The following PLAGL1 variants were observed in gnomAD, a reference collection of about 807,000 sequenced individuals.
PLAGL1 encodes the protein PLAG1 like zinc finger 1.
PLAGL1 carries 1 observed loss-of-function variant against 4.6 expected under a neutral mutation model. The ratio of observed to expected loss-of-function variants is 0.22; its 90% confidence interval spans 0.08 to 1.03. The LOEUF (loss-of-function observed/expected upper bound fraction) is 1.03, where lower values mean the gene tolerates loss of function less well. PLAGL1 is among the 50% of genes least tolerant of loss of function. The pLI, the probability that PLAGL1 is intolerant of heterozygous loss-of-function variation, is 0.58. For synonymous variants in PLAGL1, 240 were observed against 237.8 expected (o/e 1.01, Z -0.08); for missense variants, 464 against 570.4 (o/e 0.81, Z 1.90).
At position 144,013,834 on chromosome 6, in the gene PLAGL1, C is replaced by G. The variant is rs980042111; in HGVS notation, c.-150-44856G>C. Among the ~76,000 whole-genome samples, 2 of 152,188 alleles carry G rather than the reference C, an allele frequency of 1.3e-5. No individual in the cohort carries two copies. The highest frequency in any genetic ancestry group is 2.9e-5 in the Non-Finnish European group (2 of 68,030). On this transcript the variant is annotated intron_variant, in intron 1 of 3. Coordinates refer to the PLAGL1 transcript ENST00000437412. The surrounding 1 kb of genome is among the most constrained non-coding windows in gnomAD (Gnocchi z 4.4). Reference sequence around the variant, plus strand: ...CTGAAATAACTGAAGGTGGTCTCCTCATTTCAAGATCCGTAACTTAAGTCA... The same window carrying G: ...CTGAAATAACTGAAGGTGGTCTCCTGATTTCAAGATCCGTAACTTAAGTCA...
At position 143,989,954 on chromosome 6, in the gene PLAGL1, T is replaced by G. The variant is rs1790074197; in HGVS notation, c.-583-4780A>C. Among the ~76,000 whole-genome samples the G allele has an allele frequency of 6.6e-6, 1 of 152,186 alleles. No homozygotes were observed. The highest frequency in any genetic ancestry group is 1.5e-5 in the Non-Finnish European group (1 of 68,026). The stretch of plus-strand genomic sequence containing the variant: ...AGCTGTTGGATAGGGCATCTCTGCC[T>G]TCTATCTCTAAACTCAGAAACTTCC... On this transcript the variant is annotated intron_variant, in intron 1 of 7. Transcript: ENST00000674357. This position sits in a 1 kb window ranked among gnomAD's most constrained non-coding sequence, Gnocchi z 4.8.
chr6:143,999,462 A>T (rs1792366801), intron 1 of PLAGL1, among the ~76,000 whole-genome samples: 1 of 152,246 alleles, frequency 6.6e-6, no homozygotes, highest in African/African-American at 2.4e-5. Flanking sequence ...CACGCAGAAA[A>T]GCTAAAATCA....
intron 1 of PLAGL1, among the ~76,000 whole-genome samples, chr6:144,045,229 AT>A (rs574708300): frequency 5.3e-5 from 8 of 152,072 alleles, no homozygotes; most frequent in Admixed American, 4.6e-4. Flanking sequence ...TGTCATTATG[AT>A]GTTAGCTGGT....
intron 1 of PLAGL1, among the ~76,000 whole-genome samples, chr6:144,051,871 C>A (rs538258909): frequency 6.6e-6 from 1 of 152,346 alleles, no homozygotes; most frequent in South Asian, 2.1e-4. Flanking sequence ...TCACCTCCCA[C>A]TGGGTTACTC....
At position 144,064,307 on chromosome 6, in the gene PLAGL1, A is replaced by G. The variant is rs1799665359; in HGVS notation, c.-151+161T>C. 1 of 151,932 alleles carries G rather than the reference A, an allele frequency of 6.6e-6. No homozygotes were observed. Among genetic ancestry groups the G allele is most frequent in the African/African-American group, 2.4e-5 (1 of 41,328 alleles). 9.4% of individuals were successfully genotyped at this position (151,932 alleles called of 1,614,324 possible). ...CGCAGGCAGGAGCCTCGGCCAGGCT[A>G]CCTCGCCTGGCCCGCGGACTCCGCG... On this transcript the variant is annotated intron_variant, in intron 1 of 3. Transcript: ENST00000437412. This position sits in a 1 kb window ranked among gnomAD's most constrained non-coding sequence, Gnocchi z 6.8.
rs571212978 is a variant in PLAGL1 at position 143,971,494 on chromosome 6, T to A, written c.-543-2516A>T. Among the ~76,000 whole-genome samples, 1 of 152,206 alleles carries A rather than the reference T, an allele frequency of 6.6e-6. No individual in the cohort carries two copies. The highest frequency in any genetic ancestry group is 1.5e-5 in the Non-Finnish European group (1 of 68,030). On this transcript the variant is annotated intron_variant, in intron 2 of 7. Transcript: ENST00000674357. This position sits in a 1 kb window ranked among gnomAD's most constrained non-coding sequence, Gnocchi z 4.7. ...TGATTTTAAGATGTTATTTTCCCAA[T>A]AAATGTTGACAACAATTTCCCACTT...
rs182152634 is a variant in PLAGL1, at chr6:144,036,085, G to T, written c.-151+28383C>A. The stretch of plus-strand genomic sequence containing the variant: ...TCCAACCCCAAGAAAGTGCTTCAAG[G>T]ACACCCCAGGTGGACCCAGAGGGCA... On this transcript the variant is annotated intron_variant, in intron 1 of 3. Transcript: ENST00000437412. The surrounding 1 kb of genome is among the most constrained non-coding windows in gnomAD (Gnocchi z 5.1). 1.3e-5 allele frequency among the ~76,000 whole-genome samples: 2 copies of T among 152,104 alleles called. No individual in the cohort carries two copies. The highest frequency in any genetic ancestry group is 3.9e-4 in the East Asian group (2 of 5,194).
In PLAGL1 at chr6:143,960,253, A is replaced by G. The variant is rs914851073; in HGVS notation, c.-325+216T>C. 2.0e-5 allele frequency among the ~76,000 whole-genome samples: 3 copies of G among 152,186 alleles called. No individual in the cohort carries two copies. The highest frequency in any genetic ancestry group is 6.5e-5 in the Admixed American group (1 of 15,286). On this transcript the variant is annotated intron_variant, in intron 6 of 7. Transcript: ENST00000674357. This position sits in a 1 kb window ranked among gnomAD's most constrained non-coding sequence, Gnocchi z 5.7. ...GAAAAGTTGCTAACTGCATCATCCA[A>G]TTCCCTGAAACACATGTGCACTGAG...
chr6:144,019,364 C>T (rs1476113376), intron 1 of PLAGL1, among the ~76,000 whole-genome samples: 1 of 151,882 alleles, frequency 6.6e-6, no homozygotes, highest in Non-Finnish European at 1.5e-5. Flanking sequence ...CCCAGCTACC[C>T]AGGAGGCTGA....
chr6:143,942,416 C>T lies in PLAGL1; in HGVS notation c.400G>A (p.Val134Met), dbSNP rs148432028. 1 of 1,614,166 alleles carries T rather than the reference C, an allele frequency of 6.2e-7. No homozygotes were observed. The highest frequency in any genetic ancestry group is 8.5e-7 in the Non-Finnish European group (1 of 1,180,018). ...VCALELGSTE[V>M]LLDHLKAHAE... is the part of the protein sequence containing the mutation. ...TGGGCTTTGAGGTGGTCCAGTAGCA[C>T]CTCGGTGCTCCCTAGCTCCAGGGCA... The change falls in exon 8 of 8, where the codon GTG (valine) becomes ATG (methionine). Residue 134 changes from valine to methionine, a missense_variant. Transcript: ENST00000674357. The surrounding 1 kb of genome is among the most constrained non-coding windows in gnomAD (Gnocchi z 7.6).
intron 6 of PLAGL1, among the ~76,000 whole-genome samples, chr6:143,951,035 C>T (rs957863032): frequency 2.0e-5 from 3 of 152,176 alleles, no homozygotes; most frequent in Admixed American, 6.5e-5. Context: ...CAGGTGTTTA[C>T]CCTGAAGCTA....
intron 2 of PLAGL1, among the ~76,000 whole-genome samples, chr6:143,969,207 A>T (rs78953551): frequency 0.011 from 1,717 of 152,036 alleles, 20 homozygotes; most frequent in Admixed American, 0.026. Flanking sequence ...CTATACAGTG[A>T]TGTGGTTAAG....
At chr6:143,974,330 C>A (rs531244019) in intron 2 of PLAGL1, among the ~76,000 whole-genome samples, 1 of 150,720 alleles carries the variant, frequency 6.6e-6, no homozygotes, top group Admixed American at 6.6e-5. Context: ...TGAACCCACT[C>A]GGTGAGGCAG....
Position 143,975,715 on chromosome 6 carries a change from C to G in PLAGL1, c.-543-6737G>C, listed in dbSNP as rs1463918080. The stretch of plus-strand genomic sequence containing the variant: ...CAAACTATTATAAAAGAGAAAGAAG[C>G]TACTTTACAAAACAGAAACACTAAT... On this transcript the variant is annotated intron_variant, in intron 2 of 7. Coordinates refer to ENST00000674357, the MANE Select transcript of PLAGL1 (RefSeq NM_001317162.2). This position sits in a 1 kb window ranked among gnomAD's most constrained non-coding sequence, Gnocchi z 5.8. 6.6e-6 allele frequency among the ~76,000 whole-genome samples: 1 copy of G among 152,148 alleles called. No individual in the cohort carries two copies. The highest frequency in any genetic ancestry group is 1.5e-5 in the Non-Finnish European group (1 of 68,016).
In PLAGL1 at chr6:143,952,085, G is replaced by A. The variant is rs575207770; in HGVS notation, c.-324-3625C>T. Among the ~76,000 whole-genome samples, 102 of 152,192 alleles carry A rather than the reference G, an allele frequency of 6.7e-4. No individual in the cohort carries two copies. Among genetic ancestry groups the A allele is most frequent in the Non-Finnish European group, 1.1e-3 (76 of 68,012 alleles). On this transcript the variant is annotated intron_variant, in intron 6 of 7. Coordinates refer to ENST00000674357, the MANE Select transcript of PLAGL1 (RefSeq NM_001317162.2). This position sits in a 1 kb window ranked among gnomAD's most constrained non-coding sequence, Gnocchi z 6.1. ...GACTATAAACGCTTTGTGGCTGAGGGTCAAAGCTTAGCTATTAAAAAACGA... is the reference window on the plus strand; with the variant it reads ...GACTATAAACGCTTTGTGGCTGAGGATCAAAGCTTAGCTATTAAAAAACGA...
At chr6:144,003,480 C>T (rs1285008367) in intron 1 of PLAGL1, among the ~76,000 whole-genome samples, 2 of 151,940 alleles carry the variant, frequency 1.3e-5, no homozygotes, top group African/African-American at 4.8e-5. Flanking sequence ...AAAAATTATC[C>T]AGGCATAGTG....
chr6:144,054,999 G>A (rs1452912768), intron 1 of PLAGL1, among the ~76,000 whole-genome samples: 3 of 152,144 alleles, frequency 2.0e-5, no homozygotes, highest in East Asian at 1.9e-4. Context: ...ATTAAAACAC[G>A]AGGAAAATGC....
chr6:144,051,358 C>T (rs1214887456), intron 1 of PLAGL1, among the ~76,000 whole-genome samples: 2 of 152,208 alleles, frequency 1.3e-5, no homozygotes, highest in African/African-American at 4.8e-5. Context: ...GCACTTTCCT[C>T]ACACTAATTC....
rs117651323 is a variant in PLAGL1, at chr6:143,959,335, C to T, written c.-325+1134G>A. Among the ~76,000 whole-genome samples, 147 of 152,258 alleles carry T rather than the reference C, an allele frequency of 9.7e-4. 5 individuals carry two copies. In the East Asian group the frequency reaches 0.025, roughly 26 times the overall value. The stretch of plus-strand genomic sequence containing the variant: ...CCCATGGACTCGCCACTGAATACTT[C>T]GGCAGACACATTCCAGGATCTTCCT... On this transcript the variant is annotated intron_variant, in intron 6 of 7. Coordinates refer to ENST00000674357, the MANE Select transcript of PLAGL1 (RefSeq NM_001317162.2). This position sits in a 1 kb window ranked among gnomAD's most constrained non-coding sequence, Gnocchi z 5.3.
Sources: allele counts gnomAD v4.1 joint callset (sites outside exome capture counted in the v4.1 genomes callset), GRCh38; gene constraint gnomAD v4.1.1; non-coding constraint Gnocchi (gnomAD v3.1); transcripts MANE v1.5; gene names NCBI Gene and HGNC (gene_info 2026-07-23, HGNC 2026-07-21).